The following SLC5A7 variants were observed in gnomAD, a reference collection of about 807,000 sequenced individuals.
The protein encoded by SLC5A7 is high affinity choline transporter 1.
A neutral mutation model predicts 55.4 loss-of-function variants in SLC5A7; 19 were observed. The observed-to-expected ratio is 0.34, with a 90% CI of 0.24 to 0.50. SLC5A7 has a LOEUF of 0.50. Ranked by LOEUF, SLC5A7 falls within the 20% of genes least tolerant of loss-of-function variation. The pLI is 0.98. For synonymous variants in SLC5A7, 265 were observed against 263.7 expected (o/e 1.00, Z -0.05); for missense variants, 506 against 705.3 (o/e 0.72, Z 3.20).
At chr2:107,991,030 G>A (rs1274482421) in intron 2 of SLC5A7, among the ~76,000 whole-genome samples, 3 of 152,122 alleles carry the variant, frequency 2.0e-5, no homozygotes, top group Admixed American at 6.5e-5. Flanking sequence ...CCTCAACAAG[G>A]TGTAAACTGC....
chr2:108,010,363 C>G lies in SLC5A7; in HGVS notation c.1245C>G (p.Ile415Met). The G allele has an allele frequency of 1.9e-6, 3 of 1,613,898 alleles. No homozygotes were observed. Among genetic ancestry groups the G allele is most frequent in the Non-Finnish European group, 2.5e-6 (3 of 1,179,914 alleles). ...ACCTCAGTTCTGACCTTGTTTACAT[C>G]GTTATCTTCCCCCAGCTGCTTTGTG... ...LWYLSSDLVY[I>M]VIFPQLLCVL... The change falls in exon 9 of 9, where the codon ATC (isoleucine) becomes ATG (methionine). Residue 415 changes from isoleucine (I) to methionine (M), a missense_variant. Around this residue, in one of 4 missense-constraint regions of SLC5A7, gnomAD observed 309 missense variants for 478.6 expected, o/e 0.65. Coordinates refer to ENST00000264047, the MANE Select transcript of SLC5A7 (RefSeq NM_021815.5).
intron 1 of SLC5A7, 39 bp from the exon 2 acceptor site, chr2:107,988,066 G>A (rs962096799): frequency 9.4e-5 from 130 of 1,378,518 alleles, no homozygotes; most frequent in Middle Eastern, 5.6e-4. Flanking sequence ...TGTGCATAGT[G>A]CTTGACTGGT....
At chr2:108,010,084 T>C in intron 8 of SLC5A7, 148 bp from the exon 9 acceptor site, 1 of 905,760 alleles carries the variant, frequency 1.1e-6, no homozygotes, top group Non-Finnish European at 1.6e-6. Flanking sequence ...TTGGGTGCTG[T>C]AGCTGTAGTT....
At chr2:107,991,895 CAATT>C (rs1677467143) in intron 2 of SLC5A7, among the ~76,000 whole-genome samples, 1 of 152,104 alleles carries the variant, frequency 6.6e-6, no homozygotes, top group Admixed American at 6.5e-5. Context: ...TTATGTAACT[CAATT>C]CATTCAACAT....
chr2:108,000,822 C>T (rs1177613173), intron 5 of SLC5A7, among the ~76,000 whole-genome samples: 1 of 152,026 alleles, frequency 6.6e-6, no homozygotes, highest in Admixed American at 6.6e-5. Flanking sequence ...CTAGAACTCC[C>T]GAGCACAAGC....
intron 4 of SLC5A7, among the ~76,000 whole-genome samples, chr2:107,993,705 C>T (rs191863951): frequency 6.6e-6 from 1 of 152,108 alleles, no homozygotes; most frequent in Non-Finnish European, 1.5e-5. Flanking sequence ...GCATGTTATT[C>T]TAAAAGCACT....
chr2:107,990,884 A>G (rs900910348), intron 2 of SLC5A7, among the ~76,000 whole-genome samples: 1 of 152,160 alleles, frequency 6.6e-6, no homozygotes, highest in South Asian at 2.1e-4. Context: ...TCAGAGTTAA[A>G]TTTTATTCCT....
At chr2:107,990,843 A>T (rs1558859089) in intron 2 of SLC5A7, among the ~76,000 whole-genome samples, 1 of 152,186 alleles carries the variant, frequency 6.6e-6, no homozygotes, top group Non-Finnish European at 1.5e-5. Context: ...TCATTTACTT[A>T]CATTCTAACT....
intron 4 of SLC5A7, among the ~76,000 whole-genome samples, chr2:107,994,355 G>GGGC (rs1230415926): frequency 6.6e-5 from 10 of 152,290 alleles, no homozygotes; most frequent in South Asian, 4.1e-4. Context: ...AGGCCAAGGA[G>GGGC]GGCGGATCAC....
chr2:107,997,542 T>G lies in SLC5A7; in HGVS notation c.449-296T>G, dbSNP rs113238383. 0.013 allele frequency among the ~76,000 whole-genome samples: 1,968 copies of G among 152,346 alleles called. 18 individuals carry two copies. Among genetic ancestry groups the G allele is most frequent in the Admixed American group, 0.021 (318 of 15,302 alleles). On this transcript the variant is annotated intron_variant, in intron 4 of 8. Coordinates refer to ENST00000264047, the MANE Select transcript of SLC5A7 (RefSeq NM_021815.5). The stretch of plus-strand genomic sequence containing the variant: ...GTGAAATTATTTTGAGTTCTTGTAA[T>G]GTAATTAAATTTCTCAGTAATTCAG...
intron 6 of SLC5A7, among the ~76,000 whole-genome samples, chr2:108,005,839 G>A (rs1054836389): frequency 6.6e-6 from 1 of 152,042 alleles, no homozygotes; most frequent in Non-Finnish European, 1.5e-5. Context: ...CATCACCTTG[G>A]GGATCAAAAT....
intron 8 of SLC5A7, among the ~76,000 whole-genome samples, chr2:108,009,082 A>T (rs1429803924): frequency 1.3e-5 from 2 of 152,000 alleles, no homozygotes; most frequent in African/African-American, 4.8e-5. Flanking sequence ...GTATTTTTGT[A>T]ACTTCTGAAC....
chr2:108,001,650 G>A (rs1157802507), intron 5 of SLC5A7, among the ~76,000 whole-genome samples: 1 of 143,148 alleles, frequency 7.0e-6, no homozygotes, highest in Non-Finnish European at 1.5e-5. Context: ...TCCAGCCTGG[G>A]CGACAGAGCG....
chr2:107,991,976 C>A, intron 2 of SLC5A7, 130 bp from the exon 3 acceptor site: 2 of 460,438 alleles, frequency 4.3e-6, no homozygotes, highest in Non-Finnish European at 4.0e-6. Flanking sequence ...TTTTATATTC[C>A]TAAAACAACT....
In SLC5A7 at chr2:108,010,909, G is replaced by T. The variant is rs1396783541; in HGVS notation, c.*48G>T. 5 of 1,498,272 alleles carry T rather than the reference G, an allele frequency of 3.3e-6. No homozygotes were observed. The African/African-American group carries it at 7.0e-5, about 21-fold the overall frequency. 92.8% of individuals were successfully genotyped at this position (1,498,272 alleles called of 1,614,324 possible). ...TTTTGCAAACAGAACACTGTAATAG[G>T]GTAGTTCTGGAGAGATGGTATGCAG... is the stretch of plus-strand genomic sequence containing the variant. On this transcript the variant is annotated 3_prime_UTR_variant, in exon 9 of 9. Transcript: ENST00000264047.
intron 5 of SLC5A7, among the ~76,000 whole-genome samples, chr2:108,001,415 T>C (rs1217886903): frequency 6.6e-6 from 1 of 152,112 alleles, no homozygotes; most frequent in Non-Finnish European, 1.5e-5. Context: ...GGCTCACGCC[T>C]GTAATCCCAG....
intron 5 of SLC5A7, among the ~76,000 whole-genome samples, chr2:108,000,246 C>T (rs1298892060): frequency 6.6e-6 from 1 of 152,014 alleles, no homozygotes; most frequent in Non-Finnish European, 1.5e-5. Context: ...TATTCTTCTA[C>T]CTGTTAGTAT....
intron 6 of SLC5A7, among the ~76,000 whole-genome samples, chr2:108,002,550 C>G (rs1677954760): frequency 6.6e-6 from 1 of 152,074 alleles, no homozygotes; most frequent in South Asian, 2.1e-4. Context: ...AGCTTGAAAA[C>G]AGGCAGAACT....
intron 2 of SLC5A7, among the ~76,000 whole-genome samples, chr2:107,991,371 G>T (rs139479162): frequency 4.0e-4 from 61 of 152,212 alleles, no homozygotes; most frequent in African/African-American, 1.4e-3. Flanking sequence ...CTTCTTCTGA[G>T]TGCTAGGTAG....
Sources: allele counts gnomAD v4.1 joint callset (sites outside exome capture counted in the v4.1 genomes callset), GRCh38; gene constraint gnomAD v4.1.1; regional missense constraint gnomAD v4.1.1; transcripts MANE v1.5; gene names NCBI Gene and HGNC (gene_info 2026-07-23, HGNC 2026-07-21).